Variants in GSAP observed in about 807,000 individuals in gnomAD.
GSAP encodes the protein gamma-secretase activating protein.
Under a neutral mutation model 131.7 loss-of-function variants are expected in GSAP, and 118 were observed. The ratio of observed to expected loss-of-function variants is 0.90; its 90% CI spans 0.77 to 1.04. The LOEUF (loss-of-function observed/expected upper bound fraction) is 1.04, where lower values mean the gene tolerates loss of function less well. GSAP is among the 50% of genes least tolerant of loss of function. The pLI is 0.00. For synonymous variants in GSAP, 381 were observed against 363.4 expected, an observed-to-expected ratio of 1.05 and a Z score of -0.55; for missense variants, 1,019 against 1,013.2, an observed-to-expected ratio of 1.01 and a Z score of -0.08.
At chr7:77,374,248 G>T (rs1021954165) in intron 11 of GSAP, 93 bp from the exon 12 acceptor site, 6 of 622,588 alleles carry the variant, frequency 9.6e-6, no homozygotes, top group Non-Finnish European at 1.7e-5. Flanking sequence ...TATACCCACA[G>T]AAGTAGAAAC....
At position 77,353,594 on chromosome 7, in the gene GSAP, G is replaced by C; in HGVS notation, c.1386C>G (p.Asp462Glu). The change falls in exon 17 of 31, where the codon GAC becomes GAG. Residue 462 changes from aspartate (D) to glutamate (E), a missense_variant. Coordinates refer to ENST00000257626, the MANE Select transcript of GSAP (RefSeq NM_017439.4). The part of the protein sequence containing the change: ...SENVSACHSF[D>E]LIQEFIIASS... Reference sequence around the variant, plus strand: ...TACCAATTATAAATTCCTGAATGAGGTCAAATGAATGGCAGGCAGAGACAT... The same window carrying C: ...TACCAATTATAAATTCCTGAATGAGCTCAAATGAATGGCAGGCAGAGACAT... The C allele has an allele frequency of 6.2e-7, 1 of 1,610,056 alleles. No individual in the cohort carries two copies. Among genetic ancestry groups the C allele is most frequent in the Non-Finnish European group, 8.5e-7 (1 of 1,176,986 alleles).
Position 77,376,914 on chromosome 7 carries a change from G to C in GSAP, c.682-7C>G, listed in dbSNP as rs377058357. On this transcript the variant is annotated splice_polypyrimidine_tract_variant and splice_region_variant and intron_variant, in intron 9 of 30. Coordinates refer to ENST00000257626, the MANE Select transcript of GSAP (RefSeq NM_017439.4). ...TTAAGATACTCCTTGATTTCTAAAA[G>C]AGAAAACAGAATGGCATATTAAAAA... is the stretch of plus-strand genomic sequence containing the variant. 5.0e-6 allele frequency: 7 copies of C among 1,390,816 alleles called. No individual in the cohort carries two copies. The African/African-American group carries it at 8.9e-5, about 18-fold the overall frequency. The allele number at this position is 1,390,816 out of a possible 1,614,324, so 86.2% of individuals were successfully genotyped here.
intron 7 of GSAP, among the ~76,000 whole-genome samples, chr7:77,382,349 GC>G (rs904957544): frequency 3.3e-5 from 5 of 152,152 alleles, no homozygotes; most frequent in Non-Finnish European, 5.9e-5. Context: ...GTATGCAAGA[GC>G]CCATCATTCC....
At chr7:77,372,366 T>G (rs905952986) in intron 12 of GSAP, among the ~76,000 whole-genome samples, 1 of 152,250 alleles carries the variant, frequency 6.6e-6, no homozygotes, top group African/African-American at 2.4e-5. Context: ...ACTTTAAAAG[T>G]TATATACATA....
chr7:77,331,295 C>T (rs767117420), intron 19 of GSAP, among the ~76,000 whole-genome samples: 25 of 151,814 alleles, frequency 1.6e-4, no homozygotes, highest in Non-Finnish European at 3.1e-4. Flanking sequence ...AGCGAGACTC[C>T]GTCTCAAAAA....
At chr7:77,393,636 C>T (rs1478597862) in intron 5 of GSAP, among the ~76,000 whole-genome samples, 4 of 151,310 alleles carry the variant, frequency 2.6e-5, no homozygotes, top group South Asian at 4.2e-4. Context: ...CCATGAAATC[C>T]GGCGGCATGC....
intron 27 of GSAP, 126 bp from the exon 28 acceptor site, chr7:77,313,675 C>CTA (rs1384683332): frequency 2.0e-6 from 1 of 502,108 alleles, no homozygotes; most frequent in African/African-American, 2.0e-5. Context: ...TCAAGCTAAT[C>CTA]TAACAGCATT....
chr7:77,407,089 G>C (rs910287069), intron 1 of GSAP, among the ~76,000 whole-genome samples: 1 of 152,132 alleles, frequency 6.6e-6, no homozygotes, highest in Admixed American at 6.5e-5. Flanking sequence ...ACACCAAGTC[G>C]GATTTGGGGA....
intron 26 of GSAP, among the ~76,000 whole-genome samples, chr7:77,320,076 C>A (rs7779884): frequency 0.6 from 91,734 of 151,970 alleles, 28,736 homozygotes; most frequent in African/African-American, 0.78. Flanking sequence ...GAGCACAAGA[C>A]AGTTTATAGC....
chr7:77,379,934 A>G (rs1355041573), intron 8 of GSAP: 13 of 938,844 alleles, frequency 1.4e-5, no homozygotes, highest in African/African-American at 5.3e-5. Flanking sequence ...TTCTGTTTCA[A>G]TTTGTTCACT....
At chr7:77,391,297 C>T (rs2903924) in intron 5 of GSAP, among the ~76,000 whole-genome samples, 1 of 151,844 alleles carries the variant, frequency 6.6e-6, no homozygotes, top group African/African-American at 2.4e-5. Context: ...ACTAATTTTT[C>T]CCTTCTCAAG....
At chr7:77,343,483 T>C (rs1240549820) in intron 19 of GSAP, among the ~76,000 whole-genome samples, 1 of 152,194 alleles carries the variant, frequency 6.6e-6, no homozygotes, top group African/African-American at 2.4e-5. Flanking sequence ...CCTCCATCAT[T>C]AATGCCTCTT....
intron 5 of GSAP, among the ~76,000 whole-genome samples, chr7:77,390,328 C>T (rs1411002616): frequency 6.6e-6 from 1 of 152,056 alleles, no homozygotes; most frequent in Non-Finnish European, 1.5e-5. Flanking sequence ...GTTGCCATTG[C>T]TTTTGGTGTT....
chr7:77,392,958 G>A (rs1287540294), intron 5 of GSAP, among the ~76,000 whole-genome samples: 1 of 152,124 alleles, frequency 6.6e-6, no homozygotes, highest in Non-Finnish European at 1.5e-5. Context: ...AACTCCACAG[G>A]GGAGGATGAA....
Position 77,396,969 on chromosome 7 carries a change from G to T in GSAP, c.367+13C>A, listed in dbSNP as rs780122178. ...CATCTACCCATAGGTACTAAAAAGT[G>T]TAATTTCATTACCTGGTTGAAGTTC... On this transcript the variant is annotated intron_variant, in intron 5 of 30. Coordinates refer to ENST00000257626, the MANE Select transcript of GSAP (RefSeq NM_017439.4). The T allele has an allele frequency of 6.6e-7, 1 of 1,525,714 alleles. No homozygotes were observed. Among genetic ancestry groups the T allele is most frequent in the Non-Finnish European group, 9.1e-7 (1 of 1,104,306 alleles). 94.5% of individuals were successfully genotyped at this position (1,525,714 alleles called of 1,614,324 possible).
At position 77,397,021 on chromosome 7, in the gene GSAP, G is replaced by C; in HGVS notation, c.328C>G (p.Gln110Glu). Residue 110 changes from glutamine (Q) to glutamate (E), a missense_variant, in exon 5 of 31, where the codon CAG becomes GAG. Transcript: ENST00000257626. ...ERTLLAASLV[Q>E]STKEGKRNEL... ...TTCCTTTTTCCTTCTTTAGTAGACT[G>C]AACTAAACTTGCAGCTAATGGAAAA... 1 of 1,598,168 alleles carries C rather than the reference G, an allele frequency of 6.3e-7. No homozygotes were observed. Among genetic ancestry groups the C allele is most frequent in the Non-Finnish European group, 8.6e-7 (1 of 1,168,996 alleles).
chr7:77,315,274 C>T (rs1369022762), intron 26 of GSAP: 1 of 152,190 alleles, frequency 6.6e-6, no homozygotes, highest in South Asian at 2.1e-4. Context: ...CATGAGCAGC[C>T]CTAGGCCAGA....
At chr7:77,353,382 T>C (rs936763925) in intron 17 of GSAP, among the ~76,000 whole-genome samples, 190 bp downstream of exon 17, 2 of 151,812 alleles carry the variant, frequency 1.3e-5, no homozygotes, top group Non-Finnish European at 2.9e-5. Flanking sequence ...TGTACAGCCA[T>C]AGTTTCTTAG....
chr7:77,386,323 A>C (rs1798559598), intron 6 of GSAP, among the ~76,000 whole-genome samples: 2 of 152,244 alleles, frequency 1.3e-5, no homozygotes, highest in African/African-American at 4.8e-5. Context: ...ACACTCGTGT[A>C]TACTAACTAT....
Sources: gnomAD v4.1 joint callset for allele counts (sites outside exome capture counted in the v4.1 genomes callset) on GRCh38, gnomAD v4.1.1 for gene constraint, MANE v1.5 for transcripts, NCBI Gene and HGNC (gene_info 2026-07-23, HGNC 2026-07-21) for gene names.